The following SLC39A11 variants were observed in gnomAD, a reference collection of about 807,000 sequenced individuals.
SLC39A11 encodes solute carrier family 39 member 11, also known as zinc transporter ZIP11.
In SLC39A11, 33 loss-of-function variants were observed where a neutral mutation model predicts 36.1. That is an observed-to-expected ratio of 0.91 (90% confidence interval 0.69 to 1.22). The LOEUF (loss-of-function observed/expected upper bound fraction) is 1.22. Ranked by LOEUF, SLC39A11 falls within the 50% of genes most tolerant of loss-of-function variation. The pLI, the probability that SLC39A11 is intolerant of heterozygous loss-of-function variation, is 0.00. For missense variants in SLC39A11, 432 were observed against 430.3 expected, an observed-to-expected ratio of 1.00 and a Z score of -0.03; for synonymous variants, 166 against 170.3, an observed-to-expected ratio of 0.97 and a Z score of 0.20.
At chr17:73,046,868 G>A (rs2059311413) in intron 3 of SLC39A11, among the ~76,000 whole-genome samples, 1 of 152,102 alleles carries the variant, frequency 6.6e-6, no homozygotes, top group Non-Finnish European at 1.5e-5. Flanking sequence ...TTGAGCCCGG[G>A]CGGTTGAGGC....
intron 5 of SLC39A11, among the ~76,000 whole-genome samples, chr17:72,881,281 G>C (rs1460000903): frequency 2.0e-5 from 3 of 152,078 alleles, no homozygotes; most frequent in Non-Finnish European, 4.4e-5. Context: ...CAAGTGAATG[G>C]ATAAAGAAAT....
chr17:72,686,387 C>T (rs756359976), intron 7 of SLC39A11, among the ~76,000 whole-genome samples: 9 of 152,312 alleles, frequency 5.9e-5, no homozygotes, highest in South Asian at 2.1e-4. Context: ...TGGGGTCTGC[C>T]TGCACTTTCA....
At chr17:72,986,495 CCAAGGACCCTT>C (rs2088770162) in intron 4 of SLC39A11, among the ~76,000 whole-genome samples, 1 of 152,228 alleles carries the variant, frequency 6.6e-6, no homozygotes, top group African/African-American at 2.4e-5. Context: ...CACAGACCCT[CCAAGGACCCTT>C]CCAACTGTGA....
rs554955700 is a variant in SLC39A11, at chr17:72,799,547, T to C, written c.601+50087A>G. Among the ~76,000 whole-genome samples, 12 of 152,140 alleles carry C rather than the reference T, an allele frequency of 7.9e-5. No homozygotes were observed. In the East Asian group the frequency reaches 2.3e-3, roughly 29 times the overall value. On this transcript the variant is annotated intron_variant, in intron 6 of 9. Coordinates refer to ENST00000255559, the MANE Select transcript of SLC39A11 (RefSeq NM_139177.4). ...TCCTAGCAAGGAATATTAATATTAA[T>C]ACCCTGGGAAAGGAATGCATTCCTG...
At chr17:72,921,609 G>A (rs1311792379) in intron 5 of SLC39A11, among the ~76,000 whole-genome samples, 1 of 152,210 alleles carries the variant, frequency 6.6e-6, no homozygotes, top group African/African-American at 2.4e-5. Flanking sequence ...GAATTTTGCA[G>A]GAATATGCAT....
chr17:72,848,365 ACATT>A (rs1426830965), intron 6 of SLC39A11, among the ~76,000 whole-genome samples: 3 of 152,324 alleles, frequency 2.0e-5, no homozygotes, highest in African/African-American at 7.2e-5. Context: ...TCTAAAAGAA[ACATT>A]CATTGTTTTT....
chr17:72,963,616 G>C (rs2086780641), intron 4 of SLC39A11, among the ~76,000 whole-genome samples: 1 of 152,188 alleles, frequency 6.6e-6, no homozygotes, highest in Admixed American at 6.5e-5. Flanking sequence ...CTGGAGCCAT[G>C]TGTTATGAAT....
chr17:72,659,927 T>G (rs1164847609), intron 7 of SLC39A11, among the ~76,000 whole-genome samples: 1 of 152,096 alleles, frequency 6.6e-6, no homozygotes, highest in Non-Finnish European at 1.5e-5. Flanking sequence ...TAGCTGAACC[T>G]GCTGGATTTT....
At chr17:73,051,425 C>T (rs1010847201) in intron 3 of SLC39A11, among the ~76,000 whole-genome samples, 1 of 152,012 alleles carries the variant, frequency 6.6e-6, no homozygotes, top group African/African-American at 2.4e-5. Flanking sequence ...ATTTTCCAAC[C>T]CAAGGCAGAC....
At chr17:72,871,611 G>A (rs981729798) in intron 5 of SLC39A11, among the ~76,000 whole-genome samples, 1 of 152,064 alleles carries the variant, frequency 6.6e-6, no homozygotes, top group Non-Finnish European at 1.5e-5. Flanking sequence ...CCAGAAGGAC[G>A]GGGTTCAGAG....
chr17:72,942,455 A>G (rs2085173461), intron 5 of SLC39A11, among the ~76,000 whole-genome samples: 1 of 152,182 alleles, frequency 6.6e-6, no homozygotes, highest in African/African-American at 2.4e-5. Flanking sequence ...GTCAAAATTA[A>G]TAACATCTCA....
chr17:72,689,342 T>C (rs2071907199), intron 7 of SLC39A11, among the ~76,000 whole-genome samples: 1 of 152,220 alleles, frequency 6.6e-6, no homozygotes, highest in Non-Finnish European at 1.5e-5. Context: ...GCTGGGTCTA[T>C]GTGCAGCTAT....
chr17:72,677,876 C>A (rs1445358708), intron 7 of SLC39A11, among the ~76,000 whole-genome samples: 1 of 152,120 alleles, frequency 6.6e-6, no homozygotes, highest in Non-Finnish European at 1.5e-5. Context: ...AGAAGGCTAC[C>A]GACGGCCTTT....
In SLC39A11 at chr17:72,931,609, C is replaced by A. The variant is rs540926977; in HGVS notation, c.430+16143G>T. On this transcript the variant is annotated intron_variant, in intron 5 of 9. Coordinates refer to ENST00000255559, the MANE Select transcript of SLC39A11 (RefSeq NM_139177.4). Reference sequence around the variant, plus strand: ...AGCCATGGGCTCAGCTGCCCGGCCCCCTCCCCAGGTGTCCTTATTCTTGGT... The same window carrying A: ...AGCCATGGGCTCAGCTGCCCGGCCCACTCCCCAGGTGTCCTTATTCTTGGT... 2.0e-5 allele frequency among the ~76,000 whole-genome samples: 3 copies of A among 152,338 alleles called. No homozygotes were observed. In the South Asian group the frequency reaches 6.2e-4, roughly 32 times the overall value.
chr17:72,780,243 C>G (rs1482120448), intron 6 of SLC39A11, among the ~76,000 whole-genome samples: 1 of 152,180 alleles, frequency 6.6e-6, no homozygotes, highest in Non-Finnish European at 1.5e-5. Flanking sequence ...AGGGCAAGAG[C>G]TGGATCAACA....
chr17:72,950,574 A>G (rs1339868866), intron 4 of SLC39A11, among the ~76,000 whole-genome samples: 2 of 152,206 alleles, frequency 1.3e-5, no homozygotes, highest in African/African-American at 4.8e-5. Context: ...GCAGCAATAA[A>G]AGATATGTTT....
chr17:73,001,558 TATA>T (rs550557312), intron 4 of SLC39A11, among the ~76,000 whole-genome samples: 1,740 of 150,082 alleles, frequency 0.012, 17 homozygotes, highest in South Asian at 0.059. Context: ...AAACTTAAAG[TATA>T]ATAATAATAA....
intron 5 of SLC39A11, among the ~76,000 whole-genome samples, chr17:72,883,827 A>T (rs1167624377): frequency 2.6e-5 from 4 of 152,186 alleles, no homozygotes; most frequent in Admixed American, 6.5e-5. Context: ...GGGCCCAAGT[A>T]GGGCCTGGTC....
chr17:72,967,399 A>AGAGAGAGAGT (rs143987646), intron 4 of SLC39A11, among the ~76,000 whole-genome samples: 3,790 of 138,000 alleles, frequency 0.027, 52 homozygotes, highest in Middle Eastern at 0.035. Context: ...AGAGAGAGAG[A>AGAGAGAGAGT]GTGTGTGTGT....
Sources: gnomAD v4.1 joint callset for allele counts (sites outside exome capture counted in the v4.1 genomes callset) on GRCh38, gnomAD v4.1.1 for gene constraint, MANE v1.5 for transcripts, NCBI Gene and HGNC (gene_info 2026-07-23, HGNC 2026-07-21) for gene names.